The following VPS26A variants were observed in gnomAD, a reference collection of about 807,000 sequenced individuals.
VPS26A encodes VPS26 retromer complex component A.
VPS26A carries 22 observed loss-of-function variants against 42.4 expected under a neutral mutation model. The observed-to-expected ratio is 0.52, with a 90% CI of 0.37 to 0.74. The LOEUF (loss-of-function observed/expected upper bound fraction) is 0.74. Among genes scored for constraint, VPS26A ranks in the 30% least tolerant of loss-of-function variants. VPS26A has a pLI of 0.00. For synonymous variants in VPS26A, 110 were observed against 123.5 expected (o/e 0.89, Z 0.73); for missense variants, 276 against 379.2 (o/e 0.73, Z 2.26).
intron 1 of VPS26A, among the ~76,000 whole-genome samples, chr10:69,131,619 G>C (rs1840780021): frequency 6.6e-6 from 1 of 152,038 alleles, no homozygotes; most frequent in Admixed American, 6.6e-5. Context: ...TGTAGTTCCA[G>C]CTACTTGGGA....
intron 5 of VPS26A, among the ~76,000 whole-genome samples, chr10:69,160,650 C>T (rs1038372913): frequency 2.0e-5 from 3 of 152,066 alleles, no homozygotes; most frequent in East Asian, 1.9e-4. Flanking sequence ...TGGGGTTTCA[C>T]CATGTTGGCT....
intron 2 of VPS26A, among the ~76,000 whole-genome samples, chr10:69,140,476 G>C (rs1352681279): frequency 6.6e-6 from 1 of 152,082 alleles, no homozygotes; most frequent in Non-Finnish European, 1.5e-5. Context: ...AGGCTAAAGC[G>C]ATCTTCCCAT....
In VPS26A at chr10:69,133,052, ATCT is replaced by A; in HGVS notation, c.153+9_153+11del. The A allele has an allele frequency of 6.2e-7, 1 of 1,605,764 alleles. No individual in the cohort carries two copies. Among genetic ancestry groups the A allele is most frequent in the Non-Finnish European group, 8.5e-7 (1 of 1,178,130 alleles). ...GGAGAATCCGTTTCAGGAAAGGTAA[ATCT>A]TCTGTTTGACAAAACTATCTAATTG... On this transcript the variant is annotated splice_donor_region_variant and intron_variant, in intron 2 of 8. Transcript: ENST00000263559.
At position 69,172,525 on chromosome 10, in the gene VPS26A, A is replaced by G. The variant is rs1453734596; in HGVS notation, c.*1256A>G. 1 of 152,642 alleles carries G rather than the reference A, an allele frequency of 6.6e-6. No individual in the cohort carries two copies. The highest frequency in any genetic ancestry group is 2.4e-5 in the African/African-American group (1 of 41,454). 9.5% of individuals were successfully genotyped at this position (152,642 alleles called of 1,614,324 possible). ...AAGTCTTGTCAGTTAACCTTACTTT[A>G]TGAGTAAGCTAAATAACCCAAATTA... On this transcript the variant is annotated 3_prime_UTR_variant, in exon 9 of 9. Coordinates refer to ENST00000263559, the MANE Select transcript of VPS26A (RefSeq NM_004896.5).
rs1441373792 is a variant in VPS26A, at chr10:69,172,251, T to TTTA, written c.*982_*983insTTA. 3 of 152,188 alleles carry TTTA rather than the reference T, an allele frequency of 2.0e-5. No individual in the cohort carries two copies. The highest frequency in any genetic ancestry group is 4.8e-5 in the African/African-American group (2 of 41,454). 9.4% of individuals were successfully genotyped at this position (152,188 alleles called of 1,614,324 possible). On this transcript the variant is annotated 3_prime_UTR_variant, in exon 9 of 9. Transcript: ENST00000263559. The stretch of plus-strand genomic sequence containing the variant: ...CTGGGTAATTTCATGTTTATTAAAC[T>TTTA]CGAACTTTGGCTAGTTAAACTCATA...
At chr10:69,144,408 C>G (rs1020473383) in intron 2 of VPS26A, among the ~76,000 whole-genome samples, 3 of 152,160 alleles carry the variant, frequency 2.0e-5, no homozygotes, top group Admixed American at 1.3e-4. Flanking sequence ...TTTCATTCAC[C>G]TAGTCATGCC....
chr10:69,134,720 T>C (rs1262220107), intron 2 of VPS26A, among the ~76,000 whole-genome samples: 2 of 152,064 alleles, frequency 1.3e-5, no homozygotes, highest in Non-Finnish European at 2.9e-5. Context: ...GATTACCTAC[T>C]GGGGTCTTAG....
intron 2 of VPS26A, among the ~76,000 whole-genome samples, chr10:69,151,433 C>T (rs559690128): frequency 7.8e-6 from 1 of 127,828 alleles, no homozygotes; most frequent in South Asian, 2.5e-4. Flanking sequence ...GCCTGGGCTA[C>T]AGGGCGAGAC....
intron 1 of VPS26A, among the ~76,000 whole-genome samples, chr10:69,129,263 T>G (rs927009828): frequency 2.0e-5 from 3 of 152,196 alleles, no homozygotes; most frequent in East Asian, 1.9e-4. Flanking sequence ...ATTCGATTAG[T>G]AAATGTGAGC....
Position 69,171,139 on chromosome 10 carries a change from T to C in VPS26A, c.871-17T>C. 3.2e-6 allele frequency: 5 copies of C among 1,582,056 alleles called. No individual in the cohort carries two copies. The highest frequency in any genetic ancestry group is 4.3e-6 in the Non-Finnish European group (5 of 1,157,250). On this transcript the variant is annotated splice_polypyrimidine_tract_variant and intron_variant, in intron 8 of 8. Transcript: ENST00000263559. The stretch of plus-strand genomic sequence containing the variant: ...TATCAAACATTAATTTGTTAATATC[T>C]TGCATTTGTTTACTAGGAGATAATT...
chr10:69,128,350 GC>G (rs1840705838), intron 1 of VPS26A, among the ~76,000 whole-genome samples: 1 of 151,030 alleles, frequency 6.6e-6, no homozygotes, highest in Non-Finnish European at 1.5e-5. Context: ...TGCTGCCTCA[GC>G]CTCCCGCATA....
intron 2 of VPS26A, among the ~76,000 whole-genome samples, chr10:69,153,683 ACAGATATCTTTCT>A (rs1841370195): frequency 6.6e-6 from 1 of 152,128 alleles, no homozygotes; most frequent in Non-Finnish European, 1.5e-5. Flanking sequence ...TACATAGTTC[ACAGATATCTTTCT>A]CAAATTAAAA....
chr10:69,140,453 A>C (rs1841016927), intron 2 of VPS26A, among the ~76,000 whole-genome samples: 1 of 151,842 alleles, frequency 6.6e-6, no homozygotes, highest in South Asian at 2.1e-4. Context: ...GCTCACTGCA[A>C]CCTCCGTCTC....
chr10:69,155,608 T>G (rs749422813), intron 2 of VPS26A, among the ~76,000 whole-genome samples: 1 of 152,218 alleles, frequency 6.6e-6, no homozygotes, highest in Non-Finnish European at 1.5e-5. Flanking sequence ...TTGATGTAAA[T>G]AAGAGGTTCA....
chr10:69,126,738 A>G (rs1211383113), intron 1 of VPS26A, among the ~76,000 whole-genome samples: 3 of 152,204 alleles, frequency 2.0e-5, no homozygotes, highest in African/African-American at 7.2e-5. Context: ...AATAATTAGA[A>G]AAAGAATTTA....
intron 2 of VPS26A, among the ~76,000 whole-genome samples, chr10:69,134,159 A>G (rs1470474042): frequency 3.3e-5 from 5 of 152,212 alleles, no homozygotes; most frequent in South Asian, 4.1e-4. Flanking sequence ...CATGTGGTAG[A>G]CAGTTTTGGA....
chr10:69,168,023 A>T (rs542032751), intron 7 of VPS26A, among the ~76,000 whole-genome samples: 79 of 152,296 alleles, frequency 5.2e-4, no homozygotes, highest in African/African-American at 1.7e-3. Flanking sequence ...GTCCTTACAC[A>T]TTCCTTGTGA....
chr10:69,163,135 T>C (rs1414266382), intron 6 of VPS26A, among the ~76,000 whole-genome samples: 1 of 152,238 alleles, frequency 6.6e-6, no homozygotes, highest in Non-Finnish European at 1.5e-5. Flanking sequence ...TTCCATTTTA[T>C]TGATATACTA....
intron 2 of VPS26A, among the ~76,000 whole-genome samples, chr10:69,148,529 G>T (rs1461372076): frequency 6.6e-6 from 1 of 152,140 alleles, no homozygotes; most frequent in East Asian, 1.9e-4. Context: ...ACTAATTTTG[G>T]ATAATCACAA....
Sources: gnomAD v4.1 joint callset for allele counts (sites outside exome capture counted in the v4.1 genomes callset) on GRCh38, gnomAD v4.1.1 for gene constraint, MANE v1.5 for transcripts, NCBI Gene and HGNC (gene_info 2026-07-23, HGNC 2026-07-21) for gene names.